The following DPP10 variants were observed in gnomAD, a reference collection of about 807,000 sequenced individuals.
The protein encoded by DPP10 is dipeptidyl peptidase like 10, also known as inactive dipeptidyl peptidase 10.
Under a neutral mutation model 120.9 loss-of-function variants are expected in DPP10, and 33 were observed. That is an observed-to-expected ratio of 0.27 (90% confidence interval 0.21 to 0.37). DPP10 has a LOEUF of 0.37. DPP10 is among the 10% of genes least tolerant of loss of function. The pLI is 1.00. For missense variants in DPP10, 816 were observed against 942.8 expected (o/e 0.87, Z 1.76); for synonymous variants, 337 against 326.1 (o/e 1.03, Z -0.36).
At chr2:114,977,537 G>A (rs914168939) in intron 1 of DPP10, among the ~76,000 whole-genome samples, 18 of 151,992 alleles carry the variant, frequency 1.2e-4, no homozygotes, top group African/African-American at 3.6e-4. Flanking sequence ...TCTCTTCTTC[G>A]AAACTGAATG....
chr2:115,525,905 T>C lies in DPP10; in HGVS notation c.374T>C (p.Phe125Ser). The C allele has an allele frequency of 6.2e-7, 1 of 1,606,078 alleles. No individual in the cohort carries two copies. The highest frequency in any genetic ancestry group is 8.5e-7 in the Non-Finnish European group (1 of 1,177,582). Residue 125 changes from phenylalanine (F) to serine (S), a missense_variant, in exon 5 of 26, where the codon TTC (phenylalanine) becomes TCC (serine). Coordinates refer to ENST00000410059, the MANE Select transcript of DPP10 (RefSeq NM_020868.6). ...TTTTTTTTCTTTTTCTAGGTAACCT[T>C]CAAAGCATCAAGACATTCAGTTTCA... ...LLLENTTFVT[F>S]KASRHSVSPD...
chr2:114,879,474 A>C (rs574420197), intron 1 of DPP10, among the ~76,000 whole-genome samples: 1 of 152,292 alleles, frequency 6.6e-6, no homozygotes. Flanking sequence ...TCAGGACTTG[A>C]GAATAATGAA....
intron 1 of DPP10, among the ~76,000 whole-genome samples, chr2:115,169,565 GTC>G (rs2053159510): frequency 6.6e-6 from 1 of 152,074 alleles, no homozygotes; most frequent in East Asian, 1.9e-4. Context: ...TAGATGAAGA[GTC>G]TATTTTCACA....
chr2:115,282,688 G>A (rs142221423), intron 1 of DPP10, among the ~76,000 whole-genome samples: 327 of 152,198 alleles, frequency 2.1e-3, no homozygotes, highest in African/African-American at 7.4e-3. Context: ...AAATGTGCCA[G>A]AGCCTAGTTA....
At chr2:115,841,435 G>A (rs1053595572) in intron 25 of DPP10, among the ~76,000 whole-genome samples, 5 of 152,126 alleles carry the variant, frequency 3.3e-5, no homozygotes, top group Non-Finnish European at 7.4e-5. Context: ...GGAGGTTCCA[G>A]TCTGATATAA....
At chr2:115,801,049 G>C (rs1355467177) in intron 19 of DPP10, among the ~76,000 whole-genome samples, 3 of 152,120 alleles carry the variant, frequency 2.0e-5, no homozygotes, top group Non-Finnish European at 4.4e-5. Context: ...TCACGATATT[G>C]ATTCTTCCTA....
At chr2:114,687,358 A>G (rs1216233346) in intron 1 of DPP10, among the ~76,000 whole-genome samples, 1 of 151,998 alleles carries the variant, frequency 6.6e-6, no homozygotes, top group Non-Finnish European at 1.5e-5. Context: ...TTACTTTAGA[A>G]GTTAGCAGAT....
chr2:115,218,397 C>G (rs536124520), intron 1 of DPP10, among the ~76,000 whole-genome samples: 61 of 151,996 alleles, frequency 4.0e-4, no homozygotes, highest in Non-Finnish European at 7.9e-4. Flanking sequence ...CTTATATTTT[C>G]TAGAAAATCT....
chr2:115,732,044 A>T (rs1381795030), intron 8 of DPP10, among the ~76,000 whole-genome samples: 4 of 151,040 alleles, frequency 2.6e-5, no homozygotes. Context: ...AAACACAATG[A>T]TATTGCCTAG....
chr2:115,213,815 C>A (rs1225856869), intron 1 of DPP10, among the ~76,000 whole-genome samples: 1 of 151,990 alleles, frequency 6.6e-6, no homozygotes, highest in East Asian at 1.9e-4. Flanking sequence ...GAAGCTTAGG[C>A]CTATAGTACT....
chr2:115,817,064 C>T (rs936892046), intron 21 of DPP10, among the ~76,000 whole-genome samples: 32 of 151,158 alleles, frequency 2.1e-4, no homozygotes, highest in Admixed American at 7.9e-4. Context: ...TTGGCTAACA[C>T]GGTGAAACCC....
chr2:115,555,897 A>G (rs1013221118), intron 5 of DPP10, among the ~76,000 whole-genome samples: 3 of 152,132 alleles, frequency 2.0e-5, no homozygotes, highest in Non-Finnish European at 4.4e-5. Context: ...GAGGAGGTGC[A>G]TAGAGGATAT....
At chr2:114,589,439 T>C (rs944573148) in intron 1 of DPP10, among the ~76,000 whole-genome samples, 4 of 152,240 alleles carry the variant, frequency 2.6e-5, no homozygotes, top group African/African-American at 9.6e-5. Context: ...TTGTACACCT[T>C]TCTGTAATGT....
At chr2:115,663,178 A>G (rs2089147381) in intron 5 of DPP10, among the ~76,000 whole-genome samples, 1 of 152,166 alleles carries the variant, frequency 6.6e-6, no homozygotes, top group Admixed American at 6.5e-5. Flanking sequence ...ATTTTAAAAT[A>G]ATGAAAAAAA....
chr2:115,284,936 T>C lies in DPP10; in HGVS notation c.61-24303T>C, dbSNP rs541070438. 3.3e-5 allele frequency among the ~76,000 whole-genome samples: 5 copies of C among 152,214 alleles called. No homozygotes were observed. The South Asian group carries it at 1.0e-3, about 32-fold the overall frequency. ...AAATTATCAGCTTCTTAATGATGTTTCTTACCCACTGTGTTTTAGCATCTA... is the reference window on the plus strand; with the variant it reads ...AAATTATCAGCTTCTTAATGATGTTCCTTACCCACTGTGTTTTAGCATCTA... On this transcript the variant is annotated intron_variant, in intron 1 of 25. Transcript: ENST00000410059.
intron 3 of DPP10, among the ~76,000 whole-genome samples, chr2:115,497,914 G>T (rs34559324): frequency 6.6e-6 from 1 of 151,692 alleles, no homozygotes; most frequent in Non-Finnish European, 1.5e-5. Context: ...TATTTGTTCT[G>T]CATCAACAGA....
Position 115,780,862 on chromosome 2 carries a change from T to G in DPP10, c.1362-12T>G. ...TAGCATTTCTATAATAACTTCCTTT[T>G]TCTTTCTCCAGTGCTTCTACTGAAG... is the stretch of plus-strand genomic sequence containing the variant. On this transcript the variant is annotated splice_polypyrimidine_tract_variant and intron_variant, in intron 15 of 25. Coordinates refer to ENST00000410059, the MANE Select transcript of DPP10 (RefSeq NM_020868.6). The G allele has an allele frequency of 6.3e-7, 1 of 1,595,538 alleles. No individual in the cohort carries two copies. The highest frequency in any genetic ancestry group is 8.5e-7 in the Non-Finnish European group (1 of 1,169,690).
chr2:115,034,436 A>G (rs1421467873), intron 1 of DPP10, among the ~76,000 whole-genome samples: 3 of 152,152 alleles, frequency 2.0e-5, no homozygotes, highest in Non-Finnish European at 4.4e-5. Flanking sequence ...TGGGATTCGT[A>G]TTACAAACAG....
At chr2:115,455,359 A>G (rs1558686300) in intron 3 of DPP10, among the ~76,000 whole-genome samples, 1 of 152,184 alleles carries the variant, frequency 6.6e-6, no homozygotes, top group East Asian at 1.9e-4. Flanking sequence ...CAGCCATGAC[A>G]ATATTTAAAA....
Sources: gnomAD v4.1 joint callset for allele counts (sites outside exome capture counted in the v4.1 genomes callset) on GRCh38, gnomAD v4.1.1 for gene constraint, MANE v1.5 for transcripts, NCBI Gene and HGNC (gene_info 2026-07-23, HGNC 2026-07-21) for gene names.